Variants in KAT2B observed in about 807,000 individuals in gnomAD.
The protein encoded by KAT2B is lysine acetyltransferase 2B, also known as histone acetyltransferase KAT2B.
Under a neutral mutation model 105.9 loss-of-function variants are expected in KAT2B, and 36 were observed. The observed-to-expected ratio is 0.34, with a 90% CI of 0.26 to 0.45. KAT2B has a LOEUF of 0.45. Ranked by LOEUF, KAT2B falls within the 20% of genes least tolerant of loss-of-function variation. The pLI is 1.00. For missense variants in KAT2B, 820 were observed against 1,021.6 expected (o/e 0.80, Z 2.69); for synonymous variants, 397 against 377.9 (o/e 1.05, Z -0.59).
intron 1 of KAT2B, among the ~76,000 whole-genome samples, chr3:20,050,199 C>CAAAA (rs11298850): frequency 9.6e-6 from 1 of 104,078 alleles, no homozygotes. Context: ...GACCCTGTCT[C>CAAAA]AAAAAAAAAA....
Position 20,137,162 on chromosome 3 carries a change from A to G in KAT2B, c.1860+110A>G. The G allele has an allele frequency of 4.7e-6, 3 of 634,256 alleles. No individual in the cohort carries two copies. The East Asian group carries it at 8.2e-5, about 17-fold the overall frequency. 39.3% of individuals were successfully genotyped at this position (634,256 alleles called of 1,614,324 possible). On this transcript the variant is annotated intron_variant, in intron 12 of 17. Coordinates refer to ENST00000263754, the MANE Select transcript of KAT2B (RefSeq NM_003884.5). ...CCCAGTGTTTTCTACTTATAAGAACAGGCATTTGTTTTACAAGCCTTATGT... is the reference window on the plus strand; with the variant it reads ...CCCAGTGTTTTCTACTTATAAGAACGGGCATTTGTTTTACAAGCCTTATGT...
At chr3:20,115,575 A>G (rs1395192680) in intron 7 of KAT2B, among the ~76,000 whole-genome samples, 3 of 152,208 alleles carry the variant, frequency 2.0e-5, no homozygotes, top group African/African-American at 7.2e-5. Context: ...TATTGCCTCT[A>G]ATGCCTCCAG....
At chr3:20,073,300 C>T (rs1398708123) in intron 2 of KAT2B, among the ~76,000 whole-genome samples, 2 of 152,206 alleles carry the variant, frequency 1.3e-5, no homozygotes. Context: ...ACATAGCACT[C>T]ACTGGGCAGA....
At chr3:20,103,731 A>G (rs974814339) in intron 5 of KAT2B, among the ~76,000 whole-genome samples, 2 of 152,224 alleles carry the variant, frequency 1.3e-5, no homozygotes, top group African/African-American at 2.4e-5. Flanking sequence ...AAAACAGAAG[A>G]AAAATGCAAG....
At chr3:20,119,484 T>C in intron 7 of KAT2B, 114 bp from the exon 8 acceptor site, 2 of 1,027,074 alleles carry the variant, frequency 1.9e-6, no homozygotes, top group Non-Finnish European at 2.9e-6. Flanking sequence ...GTTTTAAAGA[T>C]GACTTATTTT....
intron 2 of KAT2B, among the ~76,000 whole-genome samples, chr3:20,094,269 G>A (rs1298564397): frequency 6.6e-6 from 1 of 152,146 alleles, no homozygotes; most frequent in African/African-American, 2.4e-5. Context: ...GAGAGAGCGA[G>A]CGAGCGAGGA....
At chr3:20,127,093 C>T (rs1026255923) in intron 10 of KAT2B, among the ~76,000 whole-genome samples, 1 of 152,180 alleles carries the variant, frequency 6.6e-6, no homozygotes, top group Non-Finnish European at 1.5e-5. Flanking sequence ...TCCATGACTT[C>T]CTGCTCTCCC....
Position 20,059,441 on chromosome 3 carries a change from G to T in KAT2B, c.304-12892G>T, listed in dbSNP as rs545740476. On this transcript the variant is annotated intron_variant, in intron 1 of 17. Transcript: ENST00000263754. The stretch of plus-strand genomic sequence containing the variant: ...AAAAAAAAAAAAAAAAAAAAGGCCA[G>T]GCGTGGTGCCTCACGCTTGTAATCC... 1.2e-4 allele frequency among the ~76,000 whole-genome samples: 17 copies of T among 146,036 alleles called. No individual in the cohort carries two copies. In the South Asian group the frequency reaches 3.0e-3, roughly 26 times the overall value.
intron 2 of KAT2B, among the ~76,000 whole-genome samples, chr3:20,073,415 C>T (rs1170857617): frequency 1.3e-5 from 2 of 152,142 alleles, no homozygotes; most frequent in African/African-American, 4.8e-5. Context: ...AATGGTGTCG[C>T]CTCCAAGGTT....
rs925956674 is a variant in KAT2B, at chr3:20,125,943, G to A, written c.1452G>A (p.Ala484=). ...CAGCACACTCGGCCAGGGATGAGGC[G>A]GCAAGGTTGGAAGAGCGCAGGGGTG... ...FLSAHSARDE[A]ARLEERRGVI... is the part of the protein sequence containing the mutation. The change falls in exon 10 of 18, where the codon GCG becomes GCA. Residue 484 remains alanine (A), a synonymous_variant. Coordinates refer to ENST00000263754, the MANE Select transcript of KAT2B (RefSeq NM_003884.5). The A allele has an allele frequency of 1.9e-6, 3 of 1,613,924 alleles. No individual in the cohort carries two copies. Among genetic ancestry groups the A allele is most frequent in the Middle Eastern group, 1.7e-4 (1 of 6,010 alleles).
intron 12 of KAT2B, chr3:20,137,668 C>G (rs945977882): frequency 6.5e-6 from 1 of 154,568 alleles, no homozygotes; most frequent in African/African-American, 2.4e-5. Flanking sequence ...TCCCAAGTAG[C>G]TGTGACTACA....
chr3:20,148,222 G>A, intron 15 of KAT2B, 21 bp from the exon 16 acceptor site: 1 of 1,604,038 alleles, frequency 6.2e-7, no homozygotes, highest in Non-Finnish European at 8.5e-7. Context: ...ATTGCTCCTT[G>A]TTTCCCTTTT....
At chr3:20,075,641 A>C (rs904547122) in intron 2 of KAT2B, among the ~76,000 whole-genome samples, 1 of 152,152 alleles carries the variant, frequency 6.6e-6, no homozygotes, top group Non-Finnish European at 1.5e-5. Context: ...ACTTCAGTTT[A>C]CTGGTTTAAT....
At chr3:20,075,924 A>T (rs542468472) in intron 2 of KAT2B, among the ~76,000 whole-genome samples, 4,817 of 150,624 alleles carry the variant, frequency 0.032, 134 homozygotes, top group Admixed American at 0.062. Context: ...AAAAAAAAAA[A>T]TTTTTTTCAT....
intron 1 of KAT2B, among the ~76,000 whole-genome samples, chr3:20,054,974 A>G (rs919044216): frequency 5.3e-5 from 8 of 152,152 alleles, no homozygotes; most frequent in African/African-American, 1.9e-4. Context: ...ATATTAAGTG[A>G]AAGAAAAATT....
chr3:20,126,211 C>A, intron 10 of KAT2B, 98 bp downstream of exon 10: 2 of 935,152 alleles, frequency 2.1e-6, no homozygotes, highest in South Asian at 1.6e-5. Context: ...CCACCGAATA[C>A]TACTGCACCT....
intron 14 of KAT2B, 62 bp from the exon 15 acceptor site, chr3:20,147,901 A>G: frequency 1.3e-6 from 2 of 1,491,566 alleles, no homozygotes; most frequent in Non-Finnish European, 1.8e-6. Context: ...ATAAGTATTA[A>G]CTATGTTATT....
intron 5 of KAT2B, among the ~76,000 whole-genome samples, chr3:20,108,250 G>A (rs1398997753): frequency 6.8e-6 from 1 of 148,014 alleles, no homozygotes; most frequent in African/African-American, 2.5e-5. Flanking sequence ...AAGTAAAATT[G>A]AAATTGATTA....
intron 7 of KAT2B, 28 bp from the exon 8 acceptor site, chr3:20,119,570 A>G: frequency 6.2e-7 from 1 of 1,613,572 alleles, no homozygotes; most frequent in Middle Eastern, 1.7e-4. Flanking sequence ...CAGTCATCTA[A>G]CACCTTCTTC....
Sources: allele counts gnomAD v4.1 joint callset (sites outside exome capture counted in the v4.1 genomes callset), GRCh38; gene constraint gnomAD v4.1.1; transcripts MANE v1.5; gene names NCBI Gene and HGNC (gene_info 2026-07-23, HGNC 2026-07-21).